The following ERAP2 variants were observed in gnomAD, a reference collection of about 807,000 sequenced individuals.
ERAP2 encodes endoplasmic reticulum aminopeptidase 2.
A neutral mutation model predicts 111.1 loss-of-function variants in ERAP2; 118 were observed. The ratio of observed to expected loss-of-function variants is 1.06; its 90% CI spans 0.92 to 1.24. ERAP2 has a LOEUF of 1.24. ERAP2 is among the 50% of genes most tolerant of loss of function. The pLI is 0.00. For synonymous variants in ERAP2, 410 were observed against 401.2 expected (o/e 1.02, Z -0.26); for missense variants, 1,131 against 1,125.8 (o/e 1.00, Z -0.07).
chr5:96,877,536 C>T (rs146433227), intron 1 of ERAP2, among the ~76,000 whole-genome samples: 142 of 152,352 alleles, frequency 9.3e-4, no homozygotes, highest in African/African-American at 3.2e-3. Context: ...GTGCCAACTT[C>T]TTCACATGAA....
chr5:96,915,715 G>A lies in ERAP2; in HGVS notation c.2685G>A (p.Arg895=). 1 of 1,594,052 alleles carries A rather than the reference G, an allele frequency of 6.3e-7. No individual in the cohort carries two copies. The highest frequency in any genetic ancestry group is 8.5e-7 in the Non-Finnish European group (1 of 1,170,864). ...KKFDLGSYDI[R]MIISGTTAHF... is the part of the protein sequence containing the mutation. ...TTGACTTGGGCTCATATGACATAAG[G>A]ATGATCATCTCTGGCACAACAGCTC... is the stretch of plus-strand genomic sequence containing the variant. Residue 895 remains arginine (R), a synonymous_variant, in exon 18 of 19, where the codon AGG becomes AGA. Coordinates refer to ENST00000437043, the MANE Select transcript of ERAP2 (RefSeq NM_022350.5).
chr5:96,880,363 A>C (rs1375508141), intron 2 of ERAP2, 103 bp downstream of exon 2: 1 of 1,062,140 alleles, frequency 9.4e-7, no homozygotes, highest in Non-Finnish European at 1.3e-6. Context: ...TGAGAAATCC[A>C]GTGAACTATG....
At chr5:96,887,505 G>T (rs961959256) in intron 4 of ERAP2, among the ~76,000 whole-genome samples, 3 of 152,050 alleles carry the variant, frequency 2.0e-5, no homozygotes, top group African/African-American at 7.2e-5. Context: ...TCACCATGTT[G>T]ACCAGGCTGG....
intron 5 of ERAP2, among the ~76,000 whole-genome samples, chr5:96,891,212 C>CT (rs1359519681): frequency 1.3e-5 from 2 of 152,038 alleles, no homozygotes; most frequent in Admixed American, 6.5e-5. Flanking sequence ...AAAAAATTAT[C>CT]TTTTTTTCCA....
rs79422968 is a variant in ERAP2, at chr5:96,883,853, G to T, written c.637G>T (p.Glu213Ter). ...ACGCATGGCTTTCCCTTGCTTTGATGAACCGTTGTTCAAAGCCAACTTTTC... is the reference window on the plus strand; with the variant it reads ...ACGCATGGCTTTCCCTTGCTTTGATTAACCGTTGTTCAAAGCCAACTTTTC... ...QARMAFPCFD[E>*]PLFKANFSIK... The change falls in exon 3 of 19, where the codon GAA becomes TAA. Residue 213 changes from glutamate to a stop codon, truncating the protein, a stop_gained. Transcript: ENST00000437043. LOFTEE classifies it high-confidence loss of function. 7 of 1,613,818 alleles carry T rather than the reference G, an allele frequency of 4.3e-6. No homozygotes were observed. Among genetic ancestry groups the T allele is most frequent in the Middle Eastern group, 1.7e-4 (1 of 6,060 alleles).
chr5:96,883,521 T>C (rs1038240579), intron 2 of ERAP2, among the ~76,000 whole-genome samples: 1 of 152,196 alleles, frequency 6.6e-6, no homozygotes, highest in Non-Finnish European at 1.5e-5. Flanking sequence ...TCATTCAAGT[T>C]GTCTGAGCCT....
chr5:96,898,392 T>TA (rs79066378), intron 9 of ERAP2, among the ~76,000 whole-genome samples: 2,064 of 152,108 alleles, frequency 0.014, 44 homozygotes, highest in South Asian at 0.087. Context: ...TCCTATTTTT[T>TA]ACTTGCATTT....
Position 96,887,724 on chromosome 5 carries a change from G to A in ERAP2, c.849+935G>A, listed in dbSNP as rs112778340. Among the ~76,000 whole-genome samples the A allele has an allele frequency of 4.4e-3, 675 of 152,250 alleles. 6 individuals carry two copies. The highest frequency in any genetic ancestry group is 0.016 in the African/African-American group (645 of 41,540). On this transcript the variant is annotated intron_variant, in intron 4 of 18. Coordinates refer to ENST00000437043, the MANE Select transcript of ERAP2 (RefSeq NM_022350.5). ...TGATTATCTTTGTAGTTAAATATTT[G>A]CAAACATCAGTGAACACATTAAATA...
intron 5 of ERAP2, among the ~76,000 whole-genome samples, chr5:96,891,111 G>A (rs948836253): frequency 6.6e-6 from 1 of 152,052 alleles, no homozygotes; most frequent in Non-Finnish European, 1.5e-5. Context: ...ATTGTGTTAT[G>A]TATACTTGTT....
At chr5:96,896,681 T>C in intron 8 of ERAP2, 51 bp from the exon 9 acceptor site, 2 of 1,517,462 alleles carry the variant, frequency 1.3e-6, no homozygotes, top group South Asian at 2.6e-5. Context: ...AAACATACCA[T>C]ACTACCATTT....
intron 7 of ERAP2, 37 bp downstream of exon 7, chr5:96,895,396 T>G (rs1219416618): frequency 7.7e-7 from 1 of 1,306,474 alleles, no homozygotes; most frequent in Admixed American, 1.8e-5. Context: ...CTATATGGTG[T>G]AAAGAATCAT....
At chr5:96,884,070 CT>C (rs1310676538) in intron 3 of ERAP2, 140 bp downstream of exon 3, 49 of 644,816 alleles carry the variant, frequency 7.6e-5, no homozygotes, top group African/African-American at 7.1e-4. Flanking sequence ...ATCTATCTAT[CT>C]ATCTATCTAT....
At chr5:96,883,983 C>A in intron 3 of ERAP2, 53 bp downstream of exon 3, 1 of 1,507,542 alleles carries the variant, frequency 6.6e-7, no homozygotes, top group Admixed American at 2.4e-5. Context: ...GAGACTCAGT[C>A]TTCGTTTGTT....
At position 96,915,851 on chromosome 5, in the gene ERAP2, T is replaced by C. The variant is rs765683324; in HGVS notation, c.2739+82T>C. On this transcript the variant is annotated intron_variant, in intron 18 of 18. Coordinates refer to ENST00000437043, the MANE Select transcript of ERAP2 (RefSeq NM_022350.5). The stretch of plus-strand genomic sequence containing the variant: ...AAAGTAAACTTAGATATAATCTGAT[T>C]TGAAGTTCTCATTTTAGTTTTTAAA... The C allele has an allele frequency of 3.3e-6, 4 of 1,199,492 alleles. No homozygotes were observed. The African/African-American group carries it at 6.2e-5, about 19-fold the overall frequency. The allele number at this position is 1,199,492 out of a possible 1,614,324, so 74.3% of individuals were successfully genotyped here.
chr5:96,900,251 T>C (rs910669526), intron 10 of ERAP2, 62 bp downstream of exon 10: 3 of 1,605,348 alleles, frequency 1.9e-6, no homozygotes, highest in Non-Finnish European at 2.5e-6. Flanking sequence ...CTAGAGTGAG[T>C]ATGACATACA....
In ERAP2 at chr5:96,909,861, A is replaced by G. The variant is rs565565891; in HGVS notation, c.2354+97A>G. ...TTAGGTCTAAAACCTTTTAGTGAGG[A>G]TAGAAAAAAAAACATGCTGGGCATT... On this transcript the variant is annotated intron_variant, in intron 15 of 18. Coordinates refer to ENST00000437043, the MANE Select transcript of ERAP2 (RefSeq NM_022350.5). 2.3e-5 allele frequency: 29 copies of G among 1,244,990 alleles called. No individual in the cohort carries two copies. The African/African-American group carries it at 4.0e-4, about 17-fold the overall frequency. The allele number at this position is 1,244,990 out of a possible 1,614,324, so 77.1% of individuals were successfully genotyped here.
intron 3 of ERAP2, 35 bp downstream of exon 3, chr5:96,883,965 C>T: frequency 6.5e-7 from 1 of 1,544,974 alleles, no homozygotes; most frequent in Non-Finnish European, 8.7e-7. Flanking sequence ...AGAAATTGTT[C>T]TCAAGTTGAG....
intron 10 of ERAP2, among the ~76,000 whole-genome samples, chr5:96,900,910 C>G (rs879268908): frequency 1.3e-5 from 2 of 152,116 alleles, no homozygotes; most frequent in Non-Finnish European, 2.9e-5. Flanking sequence ...GGCAATTCGC[C>G]CACCTTGGCC....
At chr5:96,878,295 A>C (rs1782759578) in intron 1 of ERAP2, among the ~76,000 whole-genome samples, 1 of 152,214 alleles carries the variant, frequency 6.6e-6, no homozygotes, top group Non-Finnish European at 1.5e-5. Context: ...TATTGAAAAT[A>C]AACTGGGGAT....
Sources: gnomAD v4.1 joint callset for allele counts (sites outside exome capture counted in the v4.1 genomes callset) on GRCh38, gnomAD v4.1.1 for gene constraint, MANE v1.5 for transcripts, NCBI Gene and HGNC (gene_info 2026-07-23, HGNC 2026-07-21) for gene names.